FOXJ2: variants seen among roughly 807,000 people sequenced by gnomAD.
FOXJ2 encodes forkhead box J2.
FOXJ2 carries 18 observed loss-of-function variants against 68.4 expected under a neutral mutation model. The observed-to-expected ratio is 0.26, with a 90% CI of 0.18 to 0.39. The LOEUF is 0.39. Ranked by LOEUF, FOXJ2 falls within the 10% of genes least tolerant of loss-of-function variation. The pLI, the probability that FOXJ2 is intolerant of heterozygous loss-of-function variation, is 1.00. For synonymous variants in FOXJ2, 274 were observed against 263.2 expected (o/e 1.04, Z -0.40); for missense variants, 670 against 726.5 (o/e 0.92, Z 0.89).
At chr12:8,048,863 A>T in intron 8 of FOXJ2, 65 bp downstream of exon 8, 1 of 1,335,320 alleles carries the variant, frequency 7.5e-7, no homozygotes, top group Non-Finnish European at 1.1e-6. Context: ...TAGAAACTGG[A>T]ACCGGAAGGG....
chr12:8,037,195 G>A (rs1946908855), intron 1 of FOXJ2, among the ~76,000 whole-genome samples: 1 of 152,208 alleles, frequency 6.6e-6, no homozygotes, highest in Non-Finnish European at 1.5e-5. Flanking sequence ...AGGAACCTCA[G>A]TCTCTGAGGC....
chr12:8,052,905 G>A lies in FOXJ2; in HGVS notation c.*55G>A. ...GGCCGCGTGGTGAAATCTGGCAGTG[G>A]GGAAAGAGCAACCCCAGCCCGTCCC... On this transcript the variant is annotated 3_prime_UTR_variant, in exon 11 of 11. Transcript: ENST00000162391. 1 of 1,413,244 alleles carries A rather than the reference G, an allele frequency of 7.1e-7. No individual in the cohort carries two copies. The highest frequency in any genetic ancestry group is 9.9e-7 in the Non-Finnish European group (1 of 1,015,154). 87.5% of individuals were successfully genotyped at this position (1,413,244 alleles called of 1,614,324 possible).
chr12:8,039,672 T>C, intron 1 of FOXJ2, 147 bp from the exon 2 acceptor site: 1 of 681,322 alleles, frequency 1.5e-6, no homozygotes. Context: ...TAGATCTGCT[T>C]GGGGATTCTG....
chr12:8,043,234 A>AC (rs1382212267), intron 3 of FOXJ2, among the ~76,000 whole-genome samples: 5 of 151,566 alleles, frequency 3.3e-5, no homozygotes, highest in African/African-American at 9.7e-5. Flanking sequence ...AAAAAAAAAA[A>AC]AAAAGACTGT....
In FOXJ2 at chr12:8,033,044, A is replaced by C; in HGVS notation, c.-804A>C. 2.5e-6 allele frequency: 1 copy of C among 394,704 alleles called. No individual in the cohort carries two copies. Among genetic ancestry groups the C allele is most frequent in the Non-Finnish European group, 4.5e-6 (1 of 224,130 alleles). 24.5% of individuals were successfully genotyped at this position (394,704 alleles called of 1,614,324 possible). A position where few individuals can be genotyped will look rare whatever the true frequency, so the allele number is the denominator to read the frequency against. ...CGAGCAACCTCTCCCCCTGTTGGAG[A>C]GAAAAGACCCTTACCACTCGGGTGA... is the stretch of plus-strand genomic sequence containing the variant. On this transcript the variant is annotated 5_prime_UTR_variant, in exon 1 of 11. Transcript: ENST00000162391.
intron 6 of FOXJ2, among the ~76,000 whole-genome samples, chr12:8,047,289 A>C (rs1228964090): frequency 6.6e-6 from 1 of 152,070 alleles, no homozygotes; most frequent in Non-Finnish European, 1.5e-5. Context: ...GTCTCTACTA[A>C]AAATACAAAA....
intron 8 of FOXJ2, 36 bp downstream of exon 8, chr12:8,048,834 A>G (rs1489686830): frequency 1.2e-5 from 18 of 1,564,286 alleles, no homozygotes; most frequent in Non-Finnish European, 1.4e-5. Context: ...AGAGGGATAC[A>G]CTGTAAGGGA....
chr12:8,048,875 G>A, intron 8 of FOXJ2, 77 bp downstream of exon 8: 2 of 1,179,058 alleles, frequency 1.7e-6, no homozygotes, highest in South Asian at 1.3e-5. Flanking sequence ...CCGGAAGGGG[G>A]TGGTTAAATG....
intron 1 of FOXJ2, among the ~76,000 whole-genome samples, chr12:8,036,941 T>C (rs1472187841): frequency 6.6e-6 from 1 of 151,970 alleles, no homozygotes; most frequent in East Asian, 1.9e-4. Context: ...ATACAAAAAA[T>C]AGCCGGGTGT....
intron 6 of FOXJ2, among the ~76,000 whole-genome samples, chr12:8,045,243 AGTCTC>A (rs1947020848): frequency 8.0e-6 from 1 of 125,588 alleles, no homozygotes; most frequent in Non-Finnish European, 1.6e-5. Context: ...TTTGAGATGG[AGTCTC>A]GCTCTTGTCG....
Position 8,040,488 on chromosome 12 carries a change from C to A in FOXJ2, c.333+323C>A, listed in dbSNP as rs1814992176. Among the ~76,000 whole-genome samples the A allele has an allele frequency of 6.6e-6, 1 of 151,692 alleles. No homozygotes were observed. On this transcript the variant is annotated intron_variant, in intron 2 of 10. Coordinates refer to ENST00000162391, the MANE Select transcript of FOXJ2 (RefSeq NM_018416.3). This position sits in a 1 kb window ranked among gnomAD's most constrained non-coding sequence, Gnocchi z 4.0. ...CTGGGCTGGGGTGCAATGGCATGAT[C>A]TCGGCTCACTGCAACTTCCACCTCC...
chr12:8,032,729 G>GC lies in FOXJ2; in HGVS notation c.-1117dup, dbSNP rs1946850667. The GC allele has an allele frequency of 7.6e-6, 3 of 394,326 alleles. No individual in the cohort carries two copies. Among genetic ancestry groups the GC allele is most frequent in the African/African-American group, 4.1e-5 (2 of 48,342 alleles). 24.4% of individuals were successfully genotyped at this position (394,326 alleles called of 1,614,324 possible). ...GAGCCGGGGCCTGCAGCGGAGCCGA[G>GC]CCGAGCCCGAGCCCGCGCCGAGCCC... On this transcript the variant is annotated 5_prime_UTR_variant, in exon 1 of 11. Coordinates refer to ENST00000162391, the MANE Select transcript of FOXJ2 (RefSeq NM_018416.3). The surrounding 1 kb of genome is among the most constrained non-coding windows in gnomAD (Gnocchi z 4.8).
chr12:8,044,660 A>T lies in FOXJ2; in HGVS notation c.619-100A>T, dbSNP rs912396532. On this transcript the variant is annotated intron_variant, in intron 5 of 10. Transcript: ENST00000162391. ...TGCTGGGTCATTGAAGAGCTAGGCG[A>T]GGATGAAGAGGACAGACAGGAGAGC... is the stretch of plus-strand genomic sequence containing the variant. The T allele has an allele frequency of 1.5e-5, 18 of 1,210,628 alleles. No individual in the cohort carries two copies. The Middle Eastern group carries it at 1.7e-3, about 115-fold the overall frequency. 75.0% of individuals were successfully genotyped at this position (1,210,628 alleles called of 1,614,324 possible). A position where few individuals can be genotyped will look rare whatever the true frequency, so the allele number is the denominator to read the frequency against.
intron 6 of FOXJ2, 57 bp downstream of exon 6, chr12:8,045,015 G>C: frequency 6.7e-7 from 1 of 1,489,870 alleles, no homozygotes; most frequent in South Asian, 1.2e-5. Context: ...TGAACAAGTG[G>C]GGTGACATTT....
rs1039530275 is a variant in FOXJ2, at chr12:8,038,089, G to A, written c.-14-1730G>A. Among the ~76,000 whole-genome samples, 2 of 152,184 alleles carry A rather than the reference G, an allele frequency of 1.3e-5. No individual in the cohort carries two copies. The highest frequency in any genetic ancestry group is 2.4e-5 in the African/African-American group (1 of 41,446). ...TTGGGTTAGAGTTGCGTCTCTTGCT[G>A]CCCCCGCCCCTGAGGCACTAAGGTG... is the stretch of plus-strand genomic sequence containing the variant. On this transcript the variant is annotated intron_variant, in intron 1 of 10. Coordinates refer to ENST00000162391, the MANE Select transcript of FOXJ2 (RefSeq NM_018416.3). The surrounding 1 kb of genome is among the most constrained non-coding windows in gnomAD (Gnocchi z 5.3).
At chr12:8,037,421 A>C (rs55904363) in intron 1 of FOXJ2, among the ~76,000 whole-genome samples, 1,623 of 152,304 alleles carry the variant, frequency 0.011, 27 homozygotes, top group African/African-American at 0.037. Context: ...TCAGTGTCCT[A>C]ACCTGGTGCT....
intron 1 of FOXJ2, among the ~76,000 whole-genome samples, chr12:8,034,171 A>G (rs1946868340): frequency 6.6e-6 from 1 of 152,178 alleles, no homozygotes; most frequent in Non-Finnish European, 1.5e-5. Flanking sequence ...ACACAACCCA[A>G]CCAGTGGTAA....
At chr12:8,044,222 C>A (rs891945819) in intron 5 of FOXJ2, 131 bp downstream of exon 5, 8 of 1,107,436 alleles carry the variant, frequency 7.2e-6, no homozygotes, top group East Asian at 2.8e-5. Context: ...AAGGGGAAGG[C>A]AAAAGAGGGA....
chr12:8,033,800 T>C lies in FOXJ2; in HGVS notation c.-48T>C, dbSNP rs1256626465. On this transcript the variant is annotated 5_prime_UTR_variant, in exon 1 of 11. Transcript: ENST00000162391. ...AACCCCAAACTCCAGTACCAGGTGG[T>C]TCCCTCCCTTTGCCGGAGGAACCTT... is the stretch of plus-strand genomic sequence containing the variant. 6.5e-6 allele frequency: 1 copy of C among 152,724 alleles called. No homozygotes were observed. Among genetic ancestry groups the C allele is most frequent in the African/African-American group, 2.4e-5 (1 of 41,458 alleles). 9.5% of individuals were successfully genotyped at this position (152,724 alleles called of 1,614,324 possible).
Sources: gnomAD v4.1 joint callset for allele counts (sites outside exome capture counted in the v4.1 genomes callset) on GRCh38, gnomAD v4.1.1 for gene constraint, Gnocchi (gnomAD v3.1) non-coding constraint, MANE v1.5 for transcripts, NCBI Gene and HGNC (gene_info 2026-07-23, HGNC 2026-07-21) for gene names.